The following DOP1B variants were observed in gnomAD, a reference collection of about 807,000 sequenced individuals.
The protein encoded by DOP1B is protein DOP1B.
A neutral mutation model predicts 233.5 loss-of-function variants in DOP1B; 174 were observed. The observed-to-expected ratio is 0.75, with a 90% CI of 0.66 to 0.85. The LOEUF (loss-of-function observed/expected upper bound fraction) is 0.85. Ranked by LOEUF, DOP1B falls within the 40% of genes least tolerant of loss-of-function variation. The probability of loss-of-function intolerance (pLI) is 0.00; values close to 1 mark genes in which losing one functional copy is unlikely to be tolerated. For synonymous variants in DOP1B, 1,190 were observed against 1,185.6 expected, an observed-to-expected ratio of 1.00 and a Z score of -0.08; for missense variants, 2,652 against 2,846.6, an observed-to-expected ratio of 0.93 and a Z score of 1.56.
chr21:36,278,051 T>A lies in DOP1B; in HGVS notation c.5789T>A (p.Leu1930His). ...GCTGTGCCGTTAATCTCCCGTCTGC[T>A]TTACTATGTTTTTCCATACTTACGC... ...EKAVPLISRL[L>H]YYVFPYLRNH... Residue 1930 changes from leucine (L) to histidine (H), a missense_variant, in exon 29 of 37, where the codon CTT becomes CAT. Coordinates refer to ENST00000691173, the MANE Select transcript of DOP1B (RefSeq NM_001320714.2). 2 of 1,614,210 alleles carry A rather than the reference T, an allele frequency of 1.2e-6. No individual in the cohort carries two copies. The highest frequency in any genetic ancestry group is 1.7e-6 in the Non-Finnish European group (2 of 1,180,030).
chr21:36,248,339 C>T, intron 20 of DOP1B, 41 bp from the exon 21 acceptor site: 2 of 1,599,176 alleles, frequency 1.3e-6, no homozygotes, highest in South Asian at 1.1e-5. Flanking sequence ...AAAACCATTC[C>T]ACAGACACAG....
rs1176715903 is a variant in DOP1B at position 36,156,921 on chromosome 21, C to T, written c.-49C>T. ...TCCTCCGCGCCGCACGTGAGCGCGC[C>T]CGCCAACAGGGCCACTGCCGCGGTA... On this transcript the variant is annotated 5_prime_UTR_variant, in exon 1 of 37. Transcript: ENST00000691173. The T allele has an allele frequency of 5.9e-5, 9 of 152,370 alleles. No individual in the cohort carries two copies. Among genetic ancestry groups the T allele is most frequent in the African/African-American group, 1.9e-4 (8 of 41,460 alleles). The allele number at this position is 152,370 out of a possible 1,614,324, so 9.4% of individuals were successfully genotyped here.
intron 2 of DOP1B, among the ~76,000 whole-genome samples, chr21:36,193,695 A>T (rs2066258486): frequency 6.6e-6 from 1 of 152,078 alleles, no homozygotes; most frequent in African/African-American, 2.4e-5. Flanking sequence ...GCTGGCCTTC[A>T]GTGAGACTGA....
At chr21:36,232,088 C>T (rs2066773477) in intron 14 of DOP1B, among the ~76,000 whole-genome samples, 1 of 152,096 alleles carries the variant, frequency 6.6e-6, no homozygotes, top group East Asian at 1.9e-4. Flanking sequence ...TCGCGATCCA[C>T]CCGCCTAGGC....
chr21:36,180,173 A>G (rs533270495), intron 2 of DOP1B, among the ~76,000 whole-genome samples: 5 of 152,294 alleles, frequency 3.3e-5, no homozygotes, highest in African/African-American at 1.2e-4. Context: ...GATATTAACC[A>G]TTATAGGTAA....
chr21:36,245,006 G>C lies in DOP1B; in HGVS notation c.3068-42G>C, dbSNP rs1344899491. The C allele has an allele frequency of 6.4e-7, 1 of 1,550,412 alleles. No homozygotes were observed. The highest frequency in any genetic ancestry group is 2.3e-5 in the East Asian group (1 of 43,956). ...GCCCTACAGCTAATGTATCATAGCT[G>C]ACCCTTCTGTCTAAAGTCATTTGTC... On this transcript the variant is annotated intron_variant, in intron 18 of 36. Transcript: ENST00000691173. This position sits in a 1 kb window ranked among gnomAD's most constrained non-coding sequence, Gnocchi z 5.5.
chr21:36,271,335 G>A (rs563989754), intron 27 of DOP1B, among the ~76,000 whole-genome samples: 1 of 151,754 alleles, frequency 6.6e-6, no homozygotes, highest in East Asian at 1.9e-4. Context: ...GTGCAGTGGC[G>A]TCATCTTGGC....
chr21:36,244,180 C>A (rs2066926898), intron 18 of DOP1B, among the ~76,000 whole-genome samples: 1 of 151,854 alleles, frequency 6.6e-6, no homozygotes, highest in Non-Finnish European at 1.5e-5. Context: ...CGCACCACCA[C>A]GTCCAGCTAA....
At chr21:36,206,721 A>T (rs182600535) in intron 4 of DOP1B, among the ~76,000 whole-genome samples, 87 of 152,258 alleles carry the variant, frequency 5.7e-4, no homozygotes, top group African/African-American at 1.9e-3. Flanking sequence ...GGGGACTGTG[A>T]CACCACGATG....
At chr21:36,242,702 C>T (rs543668743) in intron 18 of DOP1B, among the ~76,000 whole-genome samples, 16 of 152,284 alleles carry the variant, frequency 1.1e-4, no homozygotes, top group South Asian at 2.1e-4. Context: ...CTGCTACCTC[C>T]GAATAGGAGA....
At chr21:36,239,628 C>G in intron 17 of DOP1B, 137 bp from the exon 18 acceptor site, 1 of 950,172 alleles carries the variant, frequency 1.1e-6, no homozygotes, top group Non-Finnish European at 1.5e-6. Flanking sequence ...TGCTCATCTA[C>G]TTGGGTCTGG....
At chr21:36,260,273 A>AAG (rs1160070253) in intron 23 of DOP1B, among the ~76,000 whole-genome samples, 2 of 93,288 alleles carry the variant, frequency 2.1e-5, no homozygotes, top group Non-Finnish European at 3.8e-5. Context: ...GAAGGAAAGA[A>AAG]AGAAAGAAAG....
intron 2 of DOP1B, among the ~76,000 whole-genome samples, chr21:36,167,620 C>T (rs897444228): frequency 2.0e-5 from 3 of 152,084 alleles, no homozygotes; most frequent in Non-Finnish European, 4.4e-5. Flanking sequence ...GTATGTTTAC[C>T]ATGTTGTGTA....
At chr21:36,158,840 G>T (rs960501092) in intron 1 of DOP1B, among the ~76,000 whole-genome samples, 6 of 150,348 alleles carry the variant, frequency 4.0e-5, no homozygotes, top group Non-Finnish European at 8.9e-5. Flanking sequence ...AGAAATGCAT[G>T]CATAAGGCCA....
rs1015984831 is a variant in DOP1B, at chr21:36,211,843, T to A, written c.781-131T>A. ...GCACGTATTGAATAGCTTCTTTCCA[T>A]GGGTAATGTGTAAGGAACCAGCCCA... is the stretch of plus-strand genomic sequence containing the variant. On this transcript the variant is annotated intron_variant, in intron 6 of 36. Coordinates refer to ENST00000691173, the MANE Select transcript of DOP1B (RefSeq NM_001320714.2). 17 of 1,402,492 alleles carry A rather than the reference T, an allele frequency of 1.2e-5. 1 individual carries two copies. In the Admixed American group the frequency reaches 2.9e-4, roughly 24 times the overall value. 86.9% of individuals were successfully genotyped at this position (1,402,492 alleles called of 1,614,324 possible). A position where few individuals can be genotyped will look rare whatever the true frequency, so the allele number is the denominator to read the frequency against.
At chr21:36,217,102 G>A (rs1186365039) in intron 9 of DOP1B, among the ~76,000 whole-genome samples, 1 of 150,102 alleles carries the variant, frequency 6.7e-6, no homozygotes, top group Non-Finnish European at 1.5e-5. Flanking sequence ...AAAGAGAGCT[G>A]AGGGCATTAG....
intron 23 of DOP1B, among the ~76,000 whole-genome samples, chr21:36,257,635 TAGATAGA>T (rs1332733695): frequency 1.9e-4 from 26 of 136,032 alleles, no homozygotes; most frequent in African/African-American, 6.0e-4. Flanking sequence ...GATAGATAGA[TAGATAGA>T]AGTAGTTAGG....
chr21:36,174,448 A>G (rs1176660996), intron 2 of DOP1B, among the ~76,000 whole-genome samples: 1 of 152,202 alleles, frequency 6.6e-6, no homozygotes, highest in Non-Finnish European at 1.5e-5. Flanking sequence ...AGATTGCACC[A>G]CTGCACTCCA....
rs1477734514 is a variant in DOP1B at position 36,263,788 on chromosome 21, A to G, written c.5461A>G (p.Asn1821Asp). ...TGTAACAAGAACTCCCAACCTGGAA[A>G]ACAAGAAGGACCAAAAAGACCTGCA... ...DFVTRTPNLE[N>D]KKDQKDLQEI... Residue 1821 changes from asparagine (N) to aspartate (D), a missense_variant, in exon 26 of 37, where the codon AAC (asparagine) becomes GAC (aspartate). Around this residue, in one of 3 missense-constraint regions of DOP1B, gnomAD observed 2,617 missense variants for 2,794.3 expected, o/e 0.94. Transcript: ENST00000691173. The G allele has an allele frequency of 3.7e-6, 6 of 1,614,124 alleles. No homozygotes were observed. In the African/African-American group the frequency reaches 4.0e-5, roughly 11 times the overall value.
Sources: allele counts gnomAD v4.1 joint callset (sites outside exome capture counted in the v4.1 genomes callset), GRCh38; gene constraint gnomAD v4.1.1; regional missense constraint gnomAD v4.1.1; non-coding constraint Gnocchi (gnomAD v3.1); transcripts MANE v1.5; gene names NCBI Gene and HGNC (gene_info 2026-07-23, HGNC 2026-07-21).